FMO1: variants seen among roughly 807,000 people sequenced by gnomAD.
The protein encoded by FMO1 is flavin-containing monooxygenase 1.
FMO1 carries 36 observed loss-of-function variants against 45.4 expected under a neutral mutation model. That is an observed-to-expected ratio of 0.79 (90% CI 0.61 to 1.05). FMO1 has a LOEUF of 1.05. FMO1 is among the 50% of genes least tolerant of loss of function. FMO1 has a pLI of 0.00. For missense variants in FMO1, 615 were observed against 640.3 expected (o/e 0.96, Z 0.43); for synonymous variants, 228 against 227.2 (o/e 1.00, Z -0.03).
At chr1:171,284,188 C>A (rs72714185) in intron 8 of FMO1, among the ~76,000 whole-genome samples, 19,518 of 98,704 alleles carry the variant, frequency 0.2, 1,444 homozygotes, top group Admixed American at 0.27. Flanking sequence ...AAAAAAAAAA[C>A]AAAAAACAGC....
chr1:171,265,117 G>A (rs1406180713), intron 2 of FMO1, among the ~76,000 whole-genome samples: 1 of 152,136 alleles, frequency 6.6e-6, no homozygotes, highest in East Asian at 1.9e-4. Context: ...CCGGCCGGGC[G>A]AGGTGGCTCA....
chr1:171,271,393 C>T (rs1571347422), intron 3 of FMO1: 1 of 1,116,010 alleles, frequency 9.0e-7, no homozygotes, highest in African/African-American at 1.5e-5. Flanking sequence ...GGCCTTGTCA[C>T]CTTTGCCATA....
intron 1 of FMO1, among the ~76,000 whole-genome samples, chr1:171,248,826 T>G (rs1659745769): frequency 6.6e-6 from 1 of 151,512 alleles, no homozygotes; most frequent in African/African-American, 2.4e-5. Flanking sequence ...TGGGACAATA[T>G]CATTGATTCA....
chr1:171,280,764 G>A (rs772428696), intron 5 of FMO1, 22 bp from the exon 6 acceptor site: 1 of 1,602,876 alleles, frequency 6.2e-7, no homozygotes, highest in Admixed American at 1.7e-5. Flanking sequence ...TCAAATGAAG[G>A]GATGTCTTTG....
chr1:171,276,842 C>T (rs1242145139), intron 4 of FMO1, among the ~76,000 whole-genome samples: 1 of 152,238 alleles, frequency 6.6e-6, no homozygotes, highest in South Asian at 2.1e-4. Context: ...TACCTGAAAG[C>T]AATTGAGCCA....
At chr1:171,271,058 C>G (rs1160584248) in intron 3 of FMO1, 2 of 1,010,058 alleles carry the variant, frequency 2.0e-6, no homozygotes, top group Admixed American at 2.0e-5. Flanking sequence ...CTTTTTTCAG[C>G]CTTGATAAAT....
chr1:171,250,631 T>G (rs1659842430), intron 1 of FMO1, among the ~76,000 whole-genome samples: 1 of 152,216 alleles, frequency 6.6e-6, no homozygotes, highest in African/African-American at 2.4e-5. Context: ...TTTCTAACCC[T>G]GTAGTTAAAA....
intron 4 of FMO1, among the ~76,000 whole-genome samples, chr1:171,277,915 GA>G (rs1184581820): frequency 6.6e-6 from 1 of 151,854 alleles, no homozygotes; most frequent in Non-Finnish European, 1.5e-5. Context: ...CTTTTTTTAG[GA>G]AAAAAGAAGT....
chr1:171,251,607 T>C (rs1343767332), intron 1 of FMO1: 3 of 146,970 alleles, frequency 2.0e-5, no homozygotes, highest in Non-Finnish European at 3.0e-5. Flanking sequence ...GGGCACCAGC[T>C]GGGGGCAGGG....
At chr1:171,279,595 C>T (rs1321272423) in intron 5 of FMO1, among the ~76,000 whole-genome samples, 1 of 152,056 alleles carries the variant, frequency 6.6e-6, no homozygotes, top group Non-Finnish European at 1.5e-5. Flanking sequence ...AGGGTTTTGC[C>T]CTGCATTTTA....
chr1:171,264,335 T>TACAC (rs199581410), intron 2 of FMO1, among the ~76,000 whole-genome samples: 4,157 of 147,906 alleles, frequency 0.028, 87 homozygotes, highest in East Asian at 0.053. Flanking sequence ...TATATATATA[T>TACAC]ACACACACAC....
At chr1:171,248,771 C>T (rs1177703108) in intron 1 of FMO1, 148 bp downstream of exon 1, 2 of 151,890 alleles carry the variant, frequency 1.3e-5, no homozygotes, top group Non-Finnish European at 2.9e-5. Context: ...TAAAGCTACT[C>T]CTTGGCCCAA....
At chr1:171,275,576 G>C (rs1277476679) in intron 4 of FMO1, 68 bp downstream of exon 4, 2 of 1,150,588 alleles carry the variant, frequency 1.7e-6, no homozygotes, top group Non-Finnish European at 2.5e-6. Context: ...GATTGGTCTG[G>C]GAATGAATTC....
rs565500519 is a variant in FMO1, at chr1:171,275,360, T to A, written c.336T>A (p.Ser112Arg). Residue 112 changes from serine to arginine, a missense_variant, in exon 4 of 9, where the codon AGT becomes AGA. Transcript: ENST00000617670. Reference protein sequence around the residue: ...KHIQFKTKVCSVTKCSDSAVS... With the variant: ...KHIQFKTKVCRVTKCSDSAVS... ...TCTTTTTTCAGACCAAAGTCTGCAG[T>A]GTAACAAAATGCTCAGATTCTGCTG... The A allele has an allele frequency of 6.2e-7, 1 of 1,613,860 alleles. No individual in the cohort carries two copies. The highest frequency in any genetic ancestry group is 1.1e-5 in the South Asian group (1 of 91,040).
chr1:171,258,228 G>A lies in FMO1; in HGVS notation c.132+9G>A. 1.2e-6 allele frequency: 2 copies of A among 1,613,754 alleles called. No homozygotes were observed. Among genetic ancestry groups the A allele is most frequent in the Non-Finnish European group, 1.7e-6 (2 of 1,179,772 alleles). ...GGCTGTGGAGATTCACCGTAAGTGGGGTTTCAACAACTTTATCTGTCTATT... is the reference window on the plus strand; with the variant it reads ...GGCTGTGGAGATTCACCGTAAGTGGAGTTTCAACAACTTTATCTGTCTATT... On this transcript the variant is annotated intron_variant, in intron 2 of 8. Transcript: ENST00000617670.
At chr1:171,258,929 T>C (rs1660277509) in intron 2 of FMO1, among the ~76,000 whole-genome samples, 1 of 152,200 alleles carries the variant, frequency 6.6e-6, no homozygotes, top group African/African-American at 2.4e-5. Context: ...AGGGCCCTTC[T>C]TAAAGCCATT....
In FMO1 at chr1:171,278,785, A is replaced by G. The variant is rs752154064; in HGVS notation, c.541A>G (p.Ile181Val). The G allele has an allele frequency of 6.2e-6, 10 of 1,612,604 alleles. No homozygotes were observed. Among genetic ancestry groups the G allele is most frequent in the African/African-American group, 4.0e-5 (3 of 75,014 alleles). ...FHSRQYKHPD[I>V]FKDKRVLVIG... ...TAGCCGGCAATATAAGCATCCAGAT[A>G]TATTTAAGGACAAGAGAGTCCTTGT... Residue 181 changes from isoleucine to valine, a missense_variant, in exon 5 of 9, where the codon ATA (isoleucine) becomes GTA (valine). Physicochemically the swap from Ile to Val is conservative, Grantham distance 29 (BLOSUM62 3). Transcript: ENST00000617670.
At chr1:171,280,711 C>A (rs554121681) in intron 5 of FMO1, 75 bp from the exon 6 acceptor site, 3 of 1,280,150 alleles carry the variant, frequency 2.3e-6, no homozygotes, top group Non-Finnish European at 3.4e-6. Flanking sequence ...ATTCATGACA[C>A]TTCTTGAATC....
At chr1:171,271,229 G>A in intron 3 of FMO1, 1 of 941,374 alleles carries the variant, frequency 1.1e-6, no homozygotes, top group Non-Finnish European at 1.7e-6. Context: ...TCACTAATGG[G>A]CAGGCCAAGT....
Sources: allele counts gnomAD v4.1 joint callset (sites outside exome capture counted in the v4.1 genomes callset), GRCh38; gene constraint gnomAD v4.1.1; transcripts MANE v1.5; gene names NCBI Gene and HGNC (gene_info 2026-07-23, HGNC 2026-07-21).